Variants in PAM observed in about 807,000 individuals in gnomAD.
PAM encodes the protein peptidyl-glycine alpha-amidating monooxygenase.
PAM carries 72 observed loss-of-function variants against 122.1 expected under a neutral mutation model. That is an observed-to-expected ratio of 0.59 (90% CI 0.49 to 0.72). The LOEUF is 0.72. Ranked by LOEUF, PAM falls within the 30% of genes least tolerant of loss-of-function variation. The pLI is 0.00. For missense variants in PAM, 1,106 were observed against 1,183.7 expected, an observed-to-expected ratio of 0.93 and a Z score of 0.96; for synonymous variants, 389 against 404.4, an observed-to-expected ratio of 0.96 and a Z score of 0.46.
chr5:103,027,301 T>C (rs1785226231), intron 24 of PAM, among the ~76,000 whole-genome samples: 1 of 152,222 alleles, frequency 6.6e-6, no homozygotes, highest in Non-Finnish European at 1.5e-5. Context: ...CAGATTCTTC[T>C]TCCCTTCTTG....
chr5:102,896,276 T>C (rs1796200109), intron 3 of PAM, among the ~76,000 whole-genome samples: 1 of 151,678 alleles, frequency 6.6e-6, no homozygotes, highest in Admixed American at 6.6e-5. Context: ...CTACTTGGTG[T>C]TGAGATTCTT....
chr5:102,783,405 T>C (rs2149896135), intron 1 of PAM, among the ~76,000 whole-genome samples: 1 of 152,302 alleles, frequency 6.6e-6, no homozygotes, highest in Admixed American at 6.5e-5. Flanking sequence ...AAAGCAAAGG[T>C]TAAAACTCAT....
At chr5:103,025,004 A>G in intron 23 of PAM, 127 bp from the exon 24 acceptor site, 1 of 631,442 alleles carries the variant, frequency 1.6e-6, no homozygotes, top group East Asian at 2.6e-5. Flanking sequence ...TTAAAACATG[A>G]AACCCCTGTA....
At chr5:102,762,730 G>C (rs1752727029) in intron 1 of PAM, among the ~76,000 whole-genome samples, 2 of 152,182 alleles carry the variant, frequency 1.3e-5, no homozygotes, top group African/African-American at 4.8e-5. Flanking sequence ...GTAGTGCTCA[G>C]AGCTTTCTGG....
chr5:102,782,725 C>CTGTGTGTGTGTG (rs35149404), intron 1 of PAM, among the ~76,000 whole-genome samples: 1 of 140,120 alleles, frequency 7.1e-6, no homozygotes, highest in African/African-American at 2.8e-5. Flanking sequence ...CTCTCTCTCT[C>CTGTGTGTGTGTG]TGTGTGTGTG....
chr5:102,802,569 G>C (rs189220306), intron 1 of PAM, among the ~76,000 whole-genome samples: 1 of 152,182 alleles, frequency 6.6e-6, no homozygotes, highest in East Asian at 1.9e-4. Flanking sequence ...ATAGCACATA[G>C]CATGTTGTAT....
rs771138335 is a variant in PAM, at chr5:102,866,271, T to G, written c.76T>G (p.Ser26Ala). 1 of 1,609,796 alleles carries G rather than the reference T, an allele frequency of 6.2e-7. No homozygotes were observed. The highest frequency in any genetic ancestry group is 8.5e-7 in the Non-Finnish European group (1 of 1,176,094). ...CTGTTTGGCTTTCCGAAGCCCACTTTCTGTCTTTAAGAGGTGGGTGTTCGT... is the reference window on the plus strand; with the variant it reads ...CTGTTTGGCTTTCCGAAGCCCACTTGCTGTCTTTAAGAGGTGGGTGTTCGT... ...SSCLAFRSPL[S>A]VFKRFKETTR... is the part of the protein sequence containing the mutation. The change falls in exon 2 of 26, where the codon TCT becomes GCT. Residue 26 changes from serine (S) to alanine (A), a missense_variant. By Grantham distance (99) the Ser-to-Ala change is moderately conservative. Around this residue, in one of 3 missense-constraint regions of PAM, gnomAD observed 670 missense variants for 690.3 expected, o/e 0.97. Transcript: ENST00000438793.
At chr5:102,953,580 T>A (rs146540927) in intron 12 of PAM, among the ~76,000 whole-genome samples, 1 of 152,212 alleles carries the variant, frequency 6.6e-6, no homozygotes, top group African/African-American at 2.4e-5. Flanking sequence ...ATAGGAATTG[T>A]TGATCAGAGG....
intron 1 of PAM, among the ~76,000 whole-genome samples, chr5:102,780,474 C>T (rs761231408): frequency 3.3e-5 from 5 of 152,008 alleles, no homozygotes; most frequent in East Asian, 1.9e-4. Context: ...GGATTTGGGT[C>T]GTAAGCTTAG....
chr5:102,974,493 C>T, intron 15 of PAM, 57 bp downstream of exon 15: 1 of 1,130,556 alleles, frequency 8.8e-7, no homozygotes, highest in Non-Finnish European at 1.3e-6. Flanking sequence ...TCCACGTTAG[C>T]AAAACCTGAA....
chr5:102,980,404 T>C (rs1321754704), intron 15 of PAM, among the ~76,000 whole-genome samples: 63 of 152,350 alleles, frequency 4.1e-4, no homozygotes, highest in Non-Finnish European at 7.4e-5. Flanking sequence ...ATAAGGATTT[T>C]AAATTGTTCT....
At chr5:102,944,698 A>G (rs1756479089) in intron 7 of PAM, among the ~76,000 whole-genome samples, 1 of 152,254 alleles carries the variant, frequency 6.6e-6, no homozygotes, top group South Asian at 2.1e-4. Context: ...ACCCTGAAAC[A>G]TTATCAACTT....
At chr5:102,956,013 T>C (rs1425404080) in intron 12 of PAM, among the ~76,000 whole-genome samples, 1 of 152,076 alleles carries the variant, frequency 6.6e-6, no homozygotes, top group Non-Finnish European at 1.5e-5. Context: ...AGCTCAGAGT[T>C]ACCTTGACTA....
At chr5:102,880,009 C>T (rs749368147) in intron 3 of PAM, among the ~76,000 whole-genome samples, 3 of 152,046 alleles carry the variant, frequency 2.0e-5, no homozygotes, top group Non-Finnish European at 2.9e-5. Flanking sequence ...GGCTGGGTGC[C>T]GTGGCTCACG....
At chr5:102,909,690 AT>A in intron 4 of PAM, among the ~76,000 whole-genome samples, 1 of 152,048 alleles carries the variant, frequency 6.6e-6, no homozygotes, top group Non-Finnish European at 1.5e-5. Flanking sequence ...TCCATAGGTA[AT>A]AATTTAAAGT....
At chr5:102,852,889 G>C (rs1433209699) in intron 1 of PAM, among the ~76,000 whole-genome samples, 1 of 152,104 alleles carries the variant, frequency 6.6e-6, no homozygotes, top group Non-Finnish European at 1.5e-5. Context: ...CTTTTAAAAT[G>C]CTTTAGCAAC....
Position 102,914,039 on chromosome 5 carries a change from A to C in PAM, c.356+18A>C. On this transcript the variant is annotated intron_variant, in intron 5 of 25. Coordinates refer to ENST00000438793, the MANE Select transcript of PAM (RefSeq NM_001177306.2). The stretch of plus-strand genomic sequence containing the variant: ...AGTTACTGGTAAGGATAATGGGTTT[A>C]CAGTATAGAAGGGTGTAGAAAATGT... 1 of 1,320,606 alleles carries C rather than the reference A, an allele frequency of 7.6e-7. No individual in the cohort carries two copies. The highest frequency in any genetic ancestry group is 1.1e-6 in the Non-Finnish European group (1 of 912,422). The allele number at this position is 1,320,606 out of a possible 1,614,324, so 81.8% of individuals were successfully genotyped here.
intron 1 of PAM, among the ~76,000 whole-genome samples, chr5:102,820,197 T>C (rs548238229): frequency 4.6e-5 from 7 of 152,268 alleles, no homozygotes; most frequent in African/African-American, 1.7e-4. Flanking sequence ...TGATGGGGCA[T>C]TTTGTTTTTA....
rs920346036 is a variant in PAM, at chr5:102,797,555, A to C, written c.-374+42207A>C. 6.6e-5 allele frequency among the ~76,000 whole-genome samples: 10 copies of C among 152,320 alleles called. No individual in the cohort carries two copies. The East Asian group carries it at 1.9e-3, about 29-fold the overall frequency. On this transcript the variant is annotated intron_variant, in intron 1 of 25. Transcript: ENST00000438793. ...TGAATGTCAGGCAGAATATTTTTTA[A>C]AGCTGCATTTCCATTTTGCATAATG...
Sources: gnomAD v4.1 joint callset for allele counts (sites outside exome capture counted in the v4.1 genomes callset) on GRCh38, gnomAD v4.1.1 for gene constraint, gnomAD v4.1.1 regional missense constraint, MANE v1.5 for transcripts, NCBI Gene and HGNC (gene_info 2026-07-23, HGNC 2026-07-21) for gene names.